Variants in PDE4D observed in about 807,000 individuals in gnomAD.
The protein encoded by PDE4D is 3',5'-cyclic-AMP phosphodiesterase 4D.
Under a neutral mutation model 87.4 loss-of-function variants are expected in PDE4D, and 24 were observed. The observed-to-expected ratio is 0.27, with a 90% CI of 0.20 to 0.39. PDE4D has a LOEUF of 0.39. PDE4D is among the 10% of genes least tolerant of loss of function. PDE4D has a pLI of 1.00. For synonymous variants in PDE4D, 384 were observed against 383.2 expected (o/e 1.00, Z -0.02); for missense variants, 714 against 1,041.0 (o/e 0.69, Z 4.32).
intron 1 of PDE4D, among the ~76,000 whole-genome samples, chr5:59,286,908 C>T (rs942627836): frequency 4.7e-5 from 4 of 85,962 alleles, no homozygotes; most frequent in Non-Finnish European, 8.3e-5. Flanking sequence ...AAAACACTTT[C>T]TTTGGATGTA....
Position 60,416,879 on chromosome 5 carries a change from A to C in PDE4D, c.-90+71063T>G, listed in dbSNP as rs181953472. Among the ~76,000 whole-genome samples the C allele has an allele frequency of 3.5e-4, 53 of 152,352 alleles. No individual in the cohort carries two copies. In the East Asian group the frequency reaches 8.3e-3, roughly 24 times the overall value. On this transcript the variant is annotated intron_variant, in intron 1 of 16. Transcript: ENST00000502484. Reference sequence around the variant, plus strand: ...TACCCCCAATCCACATTGTAATGTGATACGAACAAGAAATAAATATGTAAT... The same window carrying C: ...TACCCCCAATCCACATTGTAATGTGCTACGAACAAGAAATAAATATGTAAT...
At chr5:60,460,153 T>C in intron 1 of PDE4D, 2 of 1,598,170 alleles carry the variant, frequency 1.3e-6, no homozygotes, top group Non-Finnish European at 1.7e-6. Context: ...GCTGGCTTTA[T>C]TCTGCATTTG....
At chr5:59,811,544 G>A (rs1768346802) in intron 1 of PDE4D, among the ~76,000 whole-genome samples, 2 of 152,158 alleles carry the variant, frequency 1.3e-5, no homozygotes, top group African/African-American at 4.8e-5. Flanking sequence ...ATGATTTCAT[G>A]TCCTACTTTC....
At chr5:59,339,913 T>G (rs779491553) in intron 1 of PDE4D, among the ~76,000 whole-genome samples, 2 of 152,148 alleles carry the variant, frequency 1.3e-5, no homozygotes, top group Non-Finnish European at 2.9e-5. Flanking sequence ...CTAGAAAAAT[T>G]TAGTGGGTTT....
chr5:60,240,890 G>T (rs1485282900), intron 1 of PDE4D, among the ~76,000 whole-genome samples: 2 of 152,084 alleles, frequency 1.3e-5, no homozygotes, highest in African/African-American at 4.8e-5. Context: ...TACCTGGAAA[G>T]TCTTCCCAAG....
chr5:59,293,447 A>G (rs1246323085), intron 1 of PDE4D, among the ~76,000 whole-genome samples: 8 of 152,146 alleles, frequency 5.3e-5, no homozygotes, highest in African/African-American at 1.2e-4. Flanking sequence ...TTTCAATTAG[A>G]GAAACTAGAA....
intron 2 of PDE4D, among the ~76,000 whole-genome samples, chr5:59,200,387 A>G (rs1301408515): frequency 5.5e-5 from 2 of 36,684 alleles, no homozygotes; most frequent in South Asian, 1.8e-3. Flanking sequence ...GTATACATAC[A>G]CGTGTATGTA....
intron 1 of PDE4D, among the ~76,000 whole-genome samples, chr5:59,428,928 C>T (rs983626424): frequency 8.5e-5 from 13 of 152,084 alleles, no homozygotes; most frequent in Admixed American, 2.0e-4. Flanking sequence ...AAGACCTATA[C>T]AATTAAATAC....
intron 1 of PDE4D, among the ~76,000 whole-genome samples, chr5:59,519,219 G>GA (rs1236495393): frequency 1.3e-5 from 2 of 152,022 alleles, no homozygotes; most frequent in Non-Finnish European, 2.9e-5. Flanking sequence ...ATACAACAGT[G>GA]AAAAAACAGA....
intron 6 of PDE4D, among the ~76,000 whole-genome samples, chr5:58,995,930 C>T (rs976994100): frequency 7.2e-5 from 11 of 152,168 alleles, no homozygotes; most frequent in Admixed American, 5.9e-4. Flanking sequence ...AAATGTGGCA[C>T]ATATATACCA....
At chr5:59,008,443 G>A (rs1361050409) in intron 6 of PDE4D, among the ~76,000 whole-genome samples, 1 of 151,928 alleles carries the variant, frequency 6.6e-6, no homozygotes, top group East Asian at 1.9e-4. Context: ...TTTAATATGT[G>A]CATCTTAAAA....
In PDE4D at chr5:59,893,197, G is replaced by A; in HGVS notation, c.426C>T (p.Ser142=). ...TGAGTCCCTGGAACGAGGAGGGCCA[G>A]GACATCCTGGATTTCTTCAGGCCGG... is the stretch of plus-strand genomic sequence containing the variant. The part of the protein sequence containing the change: ...HRPGLKKSRM[S]WPSSFQGLRR... Residue 142 remains serine, a synonymous_variant, in exon 1 of 15, where the codon TCC becomes TCT. Transcript: ENST00000340635. The A allele has an allele frequency of 1.3e-6, 2 of 1,566,088 alleles. No homozygotes were observed. The highest frequency in any genetic ancestry group is 2.4e-5 in the South Asian group (2 of 84,704).
chr5:59,451,740 GTAA>G (rs1799190282), intron 1 of PDE4D, among the ~76,000 whole-genome samples: 1 of 152,250 alleles, frequency 6.6e-6, no homozygotes, highest in South Asian at 2.1e-4. Context: ...ACCGCTGTCT[GTAA>G]TAATCTTCTA....
At chr5:60,338,606 C>A (rs56362258) in intron 1 of PDE4D, among the ~76,000 whole-genome samples, 8 of 152,082 alleles carry the variant, frequency 5.3e-5, no homozygotes, top group Non-Finnish European at 8.8e-5. Flanking sequence ...ATGTGACTCG[C>A]CCGGAGGTCC....
chr5:59,240,763 T>C (rs1757480256), intron 1 of PDE4D, among the ~76,000 whole-genome samples: 1 of 141,470 alleles, frequency 7.1e-6, no homozygotes, highest in South Asian at 2.4e-4. Flanking sequence ...AATGTGAGTC[T>C]TCGGAAAAAT....
intron 1 of PDE4D, among the ~76,000 whole-genome samples, chr5:59,436,879 G>A (rs1796869710): frequency 1.3e-5 from 2 of 152,172 alleles, no homozygotes; most frequent in Non-Finnish European, 2.9e-5. Flanking sequence ...TTAAGTAAAG[G>A]AGAAAACCAC....
intron 1 of PDE4D, among the ~76,000 whole-genome samples, chr5:59,698,049 T>C (rs1224624193): frequency 6.6e-6 from 1 of 152,132 alleles, no homozygotes; most frequent in East Asian, 1.9e-4. Flanking sequence ...ATAAAATAAA[T>C]GGAGTTTAAT....
intron 2 of PDE4D, among the ~76,000 whole-genome samples, chr5:60,156,479 C>A (rs2149452009): frequency 6.6e-6 from 1 of 152,160 alleles, no homozygotes; most frequent in African/African-American, 2.4e-5. Context: ...ATGTATATTC[C>A]TAGATAATAA....
chr5:59,588,815 G>C (rs1825551458), intron 1 of PDE4D, among the ~76,000 whole-genome samples: 1 of 152,106 alleles, frequency 6.6e-6, no homozygotes, highest in African/African-American at 2.4e-5. Flanking sequence ...CTGTAGCCTA[G>C]GCAGTGTCCT....
Sources: gnomAD v4.1 joint callset for allele counts (sites outside exome capture counted in the v4.1 genomes callset) on GRCh38, gnomAD v4.1.1 for gene constraint, MANE v1.5 for transcripts, NCBI Gene and HGNC (gene_info 2026-07-23, HGNC 2026-07-21) for gene names.